ADAMTSL1: variants seen among roughly 807,000 people sequenced by gnomAD.
ADAMTSL1 encodes ADAMTS like 1, also known as ADAMTS-like protein 1.
In ADAMTSL1, 126 loss-of-function variants were observed where a neutral mutation model predicts 201.8. The ratio of observed to expected loss-of-function variants is 0.62; its 90% CI spans 0.54 to 0.72. The LOEUF is 0.72. ADAMTSL1 is among the 30% of genes least tolerant of loss of function. The pLI is 0.00. For synonymous variants in ADAMTSL1, 1,121 were observed against 903.4 expected (o/e 1.24, Z -4.32); for missense variants, 2,679 against 2,277.8 (o/e 1.18, Z -3.59).
chr9:18,205,297 T>G (rs1415303265), intron 2 of ADAMTSL1, among the ~76,000 whole-genome samples: 3 of 152,174 alleles, frequency 2.0e-5, no homozygotes, highest in Non-Finnish European at 4.4e-5. Context: ...TTAATTGAAT[T>G]CTAAGAGAAG....
chr9:18,398,615 A>G (rs1817841016), intron 2 of ADAMTSL1, among the ~76,000 whole-genome samples: 1 of 152,194 alleles, frequency 6.6e-6, no homozygotes, highest in African/African-American at 2.4e-5. Context: ...TCTTTCACAA[A>G]AAATTTATTC....
intron 4 of ADAMTSL1, among the ~76,000 whole-genome samples, chr9:18,618,519 G>T (rs1825836573): frequency 7.1e-6 from 1 of 140,742 alleles, no homozygotes. Flanking sequence ...ATTTGAATTG[G>T]GTATACATGA....
At chr9:18,703,383 A>G (rs1190372876) in intron 13 of ADAMTSL1, among the ~76,000 whole-genome samples, 2 of 152,082 alleles carry the variant, frequency 1.3e-5, no homozygotes, top group Non-Finnish European at 2.9e-5. Context: ...TCATTTGTCC[A>G]TTTGCACTAT....
intron 2 of ADAMTSL1, among the ~76,000 whole-genome samples, chr9:18,209,304 C>T (rs1431422045): frequency 6.6e-6 from 1 of 152,088 alleles, no homozygotes; most frequent in East Asian, 1.9e-4. Context: ...TGCATTATGT[C>T]ATCATTAGAA....
chr9:18,886,777 G>GTGAT (rs1425198556), intron 23 of ADAMTSL1, among the ~76,000 whole-genome samples: 1 of 152,182 alleles, frequency 6.6e-6, no homozygotes, highest in Admixed American at 6.5e-5. Context: ...CATCACCTTG[G>GTGAT]TGATTAGAAT....
intron 2 of ADAMTSL1, among the ~76,000 whole-genome samples, chr9:18,192,750 A>G (rs1381101592): frequency 1.3e-5 from 2 of 152,118 alleles, no homozygotes; most frequent in Non-Finnish European, 2.9e-5. Context: ...AAAAAAGTGC[A>G]AAACCAAAAA....
chr9:18,279,675 C>T (rs757254176), intron 2 of ADAMTSL1, among the ~76,000 whole-genome samples: 23 of 152,176 alleles, frequency 1.5e-4, no homozygotes, highest in East Asian at 2.0e-4. Context: ...ATACAGCTGA[C>T]CCTTGAACAA....
chr9:18,555,595 T>C (rs550759064), intron 3 of ADAMTSL1, among the ~76,000 whole-genome samples: 18 of 151,988 alleles, frequency 1.2e-4, no homozygotes, highest in African/African-American at 4.3e-4. Context: ...AAAACAACAA[T>C]GTATTAAGTC....
chr9:17,981,594 A>T (rs1818699073), intron 1 of ADAMTSL1, among the ~76,000 whole-genome samples: 1 of 152,144 alleles, frequency 6.6e-6, no homozygotes, highest in Admixed American at 6.5e-5. Context: ...GTCCTTCTTC[A>T]AAGAGATTTT....
At position 18,026,689 on chromosome 9, in the gene ADAMTSL1, C is replaced by T. The variant is rs1283791729; in HGVS notation, c.87+119767C>T. Among the ~76,000 whole-genome samples, 4 of 151,902 alleles carry T rather than the reference C, an allele frequency of 2.6e-5. No homozygotes were observed. In the East Asian group the frequency reaches 7.7e-4, roughly 29 times the overall value. On this transcript the variant is annotated intron_variant, in intron 1 of 29. Coordinates refer to the ADAMTSL1 transcript ENST00000680146. ...TTCTTTTTTCGTTGTGTCTTTGACA[C>T]ATTTTGGTATCAGGACAATGCTGGC... is the stretch of plus-strand genomic sequence containing the variant.
At chr9:18,780,706 A>G (rs1314627936) in intron 19 of ADAMTSL1, among the ~76,000 whole-genome samples, 1 of 152,166 alleles carries the variant, frequency 6.6e-6, no homozygotes, top group Non-Finnish European at 1.5e-5. Context: ...ATATGCACAC[A>G]TAGGATTTGG....
At chr9:18,104,266 T>C (rs1414880152) in intron 1 of ADAMTSL1, among the ~76,000 whole-genome samples, 2 of 152,126 alleles carry the variant, frequency 1.3e-5, no homozygotes, top group Admixed American at 1.3e-4. Flanking sequence ...AGCAGTGTAG[T>C]CGCAATCCCG....
intron 7 of ADAMTSL1, among the ~76,000 whole-genome samples, chr9:18,643,345 AT>A (rs1056861934): frequency 1.3e-5 from 2 of 151,588 alleles, no homozygotes; most frequent in African/African-American, 2.4e-5. Context: ...GTGATTTGCA[AT>A]TTTTTTTCCA....
intron 1 of ADAMTSL1, among the ~76,000 whole-genome samples, chr9:17,919,516 TAC>T (rs2131288830): frequency 6.6e-6 from 1 of 152,206 alleles, no homozygotes; most frequent in Non-Finnish European, 1.5e-5. Flanking sequence ...ACCACTTATC[TAC>T]CTTCTTAATA....
At chr9:18,518,707 C>A (rs1284167411) in intron 2 of ADAMTSL1, among the ~76,000 whole-genome samples, 2 of 151,928 alleles carry the variant, frequency 1.3e-5, no homozygotes, top group Admixed American at 6.6e-5. Context: ...GTTTTCTTTT[C>A]TTTTTTCTTT....
In ADAMTSL1 at chr9:18,419,105, A is replaced by G. The variant is rs535830397; in HGVS notation, c.208-85724A>G. On this transcript the variant is annotated intron_variant, in intron 2 of 29. Coordinates refer to the ADAMTSL1 transcript ENST00000680146. ...ATTGAGAAAGAATTGTCTTTTTAAC[A>G]AATCATGTTTTTAAAATAGAAATCT... 2.2e-4 allele frequency among the ~76,000 whole-genome samples: 34 copies of G among 152,050 alleles called. No individual in the cohort carries two copies. The South Asian group carries it at 4.6e-3, about 20-fold the overall frequency.
chr9:18,748,003 T>C (rs1429848975), intron 15 of ADAMTSL1, among the ~76,000 whole-genome samples: 3 of 152,198 alleles, frequency 2.0e-5, no homozygotes, highest in African/African-American at 7.2e-5. Context: ...AGGGAGACCC[T>C]ATGTCTCCTG....
At chr9:18,265,703 T>G (rs1433889619) in intron 2 of ADAMTSL1, among the ~76,000 whole-genome samples, 1 of 152,200 alleles carries the variant, frequency 6.6e-6, no homozygotes, top group Non-Finnish European at 1.5e-5. Context: ...CATTGAGAAA[T>G]TTTTGCCAAA....
chr9:17,970,764 C>T (rs1390525207), intron 1 of ADAMTSL1, among the ~76,000 whole-genome samples: 9 of 152,042 alleles, frequency 5.9e-5, no homozygotes, highest in Non-Finnish European at 1.5e-5. Flanking sequence ...ACACTGTGTG[C>T]TTACTCCTAT....
Sources: allele counts gnomAD v4.1 joint callset (sites outside exome capture counted in the v4.1 genomes callset), GRCh38; gene constraint gnomAD v4.1.1; transcripts MANE v1.5; gene names NCBI Gene and HGNC (gene_info 2026-07-23, HGNC 2026-07-21).